The following GRIK4 variants were observed in gnomAD, a reference collection of about 807,000 sequenced individuals.
GRIK4 encodes the protein glutamate ionotropic receptor kainate type subunit 4.
A neutral mutation model predicts 104.9 loss-of-function variants in GRIK4; 40 were observed. The ratio of observed to expected loss-of-function variants is 0.38; its 90% confidence interval spans 0.30 to 0.50. GRIK4 has a LOEUF of 0.50. GRIK4 is among the 20% of genes least tolerant of loss of function. The pLI is 0.93. For missense variants in GRIK4, 1,047 were observed against 1,308.1 expected, an observed-to-expected ratio of 0.80 and a Z score of 3.08; for synonymous variants, 485 against 524.9, an observed-to-expected ratio of 0.92 and a Z score of 1.04.
chr11:120,870,564 C>T (rs1408140934), intron 9 of GRIK4: 1 of 152,004 alleles, frequency 6.6e-6, no homozygotes, highest in Non-Finnish European at 1.5e-5. Flanking sequence ...CAATGACAAC[C>T]TAGGCTTCTC....
intron 14 of GRIK4, among the ~76,000 whole-genome samples, chr11:120,943,109 C>CAAA (rs1943764622): frequency 8.9e-6 from 1 of 111,770 alleles, no homozygotes; most frequent in Non-Finnish European, 1.7e-5. Context: ...TCCCTCTCTA[C>CAAA]ACACACACAC....
intron 3 of GRIK4, among the ~76,000 whole-genome samples, chr11:120,785,772 C>A (rs752648205): frequency 7.6e-4 from 115 of 152,302 alleles, no homozygotes; most frequent in Non-Finnish European, 1.1e-3. Flanking sequence ...TTCTCTGCAG[C>A]GCCTGAGCAG....
At chr11:120,611,545 G>T (rs1284761252) in intron 1 of GRIK4, among the ~76,000 whole-genome samples, 2 of 152,152 alleles carry the variant, frequency 1.3e-5, no homozygotes, top group Non-Finnish European at 2.9e-5. Flanking sequence ...TTATCATCAT[G>T]ATTTGCTTTC....
intron 1 of GRIK4, among the ~76,000 whole-genome samples, chr11:120,603,861 C>T (rs1789883290): frequency 6.6e-6 from 1 of 152,066 alleles, no homozygotes; most frequent in African/African-American, 2.4e-5. Context: ...CATAGGGCAG[C>T]CCTGCCACAA....
intron 3 of GRIK4, among the ~76,000 whole-genome samples, chr11:120,748,781 C>A (rs1442744164): frequency 6.6e-6 from 1 of 152,178 alleles, no homozygotes; most frequent in Admixed American, 6.5e-5. Flanking sequence ...TCTATTGAAA[C>A]CACAGGACAG....
intron 3 of GRIK4, among the ~76,000 whole-genome samples, chr11:120,694,771 G>A (rs1950415348): frequency 6.6e-6 from 1 of 152,188 alleles, no homozygotes; most frequent in African/African-American, 2.4e-5. Flanking sequence ...TGACCTGCAA[G>A]TGCCCGGGTT....
chr11:120,725,344 A>G (rs3133845), intron 3 of GRIK4, among the ~76,000 whole-genome samples: 102,667 of 151,942 alleles, frequency 0.68, 34,982 homozygotes, highest in Middle Eastern at 0.79. Context: ...TTCTGTTACC[A>G]AAACACCAGG....
At chr11:120,588,464 A>G (rs537423317) in intron 1 of GRIK4, among the ~76,000 whole-genome samples, 1 of 152,218 alleles carries the variant, frequency 6.6e-6, no homozygotes, top group Admixed American at 6.5e-5. Flanking sequence ...GGCACGACAC[A>G]GGGTCTTTCC....
chr11:120,827,136 C>T (rs78653140), intron 6 of GRIK4, among the ~76,000 whole-genome samples: 7,799 of 152,286 alleles, frequency 0.051, 224 homozygotes, highest in Middle Eastern at 0.092. Context: ...GGGAAGGAAG[C>T]TTGTTGAAAG....
intron 3 of GRIK4, among the ~76,000 whole-genome samples, chr11:120,802,236 C>T (rs1214588351): frequency 1.3e-5 from 2 of 152,180 alleles, no homozygotes; most frequent in African/African-American, 2.4e-5. Flanking sequence ...CTCCTTGAGG[C>T]CACAGCCTTC....
intron 3 of GRIK4, among the ~76,000 whole-genome samples, chr11:120,736,197 C>T (rs1171159002): frequency 2.0e-5 from 3 of 152,100 alleles, no homozygotes; most frequent in Non-Finnish European, 4.4e-5. Context: ...TAGCAGGTTC[C>T]CTTCTGGGCC....
chr11:120,684,184 G>A (rs139522613), intron 3 of GRIK4, among the ~76,000 whole-genome samples: 171 of 152,222 alleles, frequency 1.1e-3, no homozygotes, highest in African/African-American at 3.9e-3. Flanking sequence ...TTAGTTGGGC[G>A]TAATGGTGCA....
intron 17 of GRIK4, among the ~76,000 whole-genome samples, chr11:120,962,158 A>T (rs559816100): frequency 1.3e-5 from 2 of 152,350 alleles, no homozygotes; most frequent in South Asian, 4.1e-4. Flanking sequence ...GGTTGGCAGT[A>T]GAAGAGCTCT....
chr11:120,576,322 C>T (rs186862039), intron 1 of GRIK4: 1 of 152,248 alleles, frequency 6.6e-6, no homozygotes, highest in African/African-American at 2.4e-5. Flanking sequence ...CTTAAGAATC[C>T]ACAATGATAA....
chr11:120,522,622 C>A (rs1483201233), intron 1 of GRIK4, among the ~76,000 whole-genome samples: 1 of 152,144 alleles, frequency 6.6e-6, no homozygotes, highest in African/African-American at 2.4e-5. Context: ...CACCTGGCTC[C>A]CATGGGTCTT....
chr11:120,525,634 G>A (rs545315119), intron 1 of GRIK4, among the ~76,000 whole-genome samples: 55 of 152,326 alleles, frequency 3.6e-4, no homozygotes, highest in African/African-American at 1.2e-3. Flanking sequence ...CGCGTGCTAC[G>A]TCCCCGTGTC....
chr11:120,848,885 G>C (rs1382739423), intron 8 of GRIK4, among the ~76,000 whole-genome samples: 1 of 152,134 alleles, frequency 6.6e-6, no homozygotes, highest in African/African-American at 2.4e-5. Flanking sequence ...TCCTAACCGA[G>C]GGGGACAGGG....
Position 120,554,907 on chromosome 11 carries a change from C to A in GRIK4, c.-159+43020C>A, listed in dbSNP as rs146246353. Among the ~76,000 whole-genome samples, 5 of 152,308 alleles carry A rather than the reference C, an allele frequency of 3.3e-5. No individual in the cohort carries two copies. The East Asian group carries it at 7.7e-4, about 24-fold the overall frequency. ...TTGGAGAGTCCATGTGCATCTGTTC[C>A]CCTCTTTCCAAATGAGGAATGTCTG... On this transcript the variant is annotated intron_variant, in intron 1 of 20. Transcript: ENST00000527524.
At chr11:120,922,696 T>C (rs1453134168) in intron 13 of GRIK4, among the ~76,000 whole-genome samples, 1 of 152,162 alleles carries the variant, frequency 6.6e-6, no homozygotes, top group Non-Finnish European at 1.5e-5. Flanking sequence ...CATCCTCCCA[T>C]TTGTCAGCGT....
Sources: gnomAD v4.1 joint callset for allele counts (sites outside exome capture counted in the v4.1 genomes callset) on GRCh38, gnomAD v4.1.1 for gene constraint, MANE v1.5 for transcripts, NCBI Gene and HGNC (gene_info 2026-07-23, HGNC 2026-07-21) for gene names.